The following PPP2R3A variants were observed in gnomAD, a reference collection of about 807,000 sequenced individuals.
PPP2R3A encodes protein phosphatase 2 regulatory subunit B''alpha, also known as serine/threonine-protein phosphatase 2A regulatory subunit B'' subunit alpha.
A neutral mutation model predicts 106.9 loss-of-function variants in PPP2R3A; 80 were observed. The ratio of observed to expected loss-of-function variants is 0.75; its 90% CI spans 0.62 to 0.90. The LOEUF (loss-of-function observed/expected upper bound fraction) is 0.90, where lower values mean the gene tolerates loss of function less well. PPP2R3A is among the 40% of genes least tolerant of loss of function. The pLI, the probability that PPP2R3A is intolerant of heterozygous loss-of-function variation, is 0.00. For synonymous variants in PPP2R3A, 483 were observed against 468.3 expected (o/e 1.03, Z -0.41); for missense variants, 1,386 against 1,350.4 (o/e 1.03, Z -0.41).
intron 10 of PPP2R3A, 41 bp downstream of exon 10, chr3:136,090,708 T>G: frequency 1.3e-6 from 2 of 1,520,628 alleles, no homozygotes; most frequent in South Asian, 1.1e-5. Context: ...GTTAAACACA[T>G]GCACAAAGCT....
At chr3:136,071,037 TC>T (rs1184389082) in intron 6 of PPP2R3A, among the ~76,000 whole-genome samples, 2 of 152,258 alleles carry the variant, frequency 1.3e-5, no homozygotes, top group Non-Finnish European at 2.9e-5. Flanking sequence ...ACTCCCTGTT[TC>T]TCAGGCACAG....
At chr3:136,044,336 C>T (rs1179668970) in intron 4 of PPP2R3A, among the ~76,000 whole-genome samples, 1 of 151,946 alleles carries the variant, frequency 6.6e-6, no homozygotes, top group Non-Finnish European at 1.5e-5. Flanking sequence ...TAACTATATG[C>T]CAGGTATTGT....
chr3:136,042,452 A>G (rs980018805), intron 4 of PPP2R3A, among the ~76,000 whole-genome samples: 2 of 152,226 alleles, frequency 1.3e-5, no homozygotes, highest in East Asian at 1.9e-4. Flanking sequence ...GTGTTTATCT[A>G]TGTAACAGAC....
intron 1 of PPP2R3A, among the ~76,000 whole-genome samples, chr3:135,990,611 C>G (rs1006533956): frequency 6.6e-6 from 1 of 152,016 alleles, no homozygotes; most frequent in African/African-American, 2.4e-5. Context: ...TTATCTTTAA[C>G]CAGAATTTGT....
chr3:136,137,572 C>T (rs1389006795), intron 13 of PPP2R3A, among the ~76,000 whole-genome samples: 13 of 23,814 alleles, frequency 5.5e-4, no homozygotes, highest in Admixed American at 1.3e-3. Flanking sequence ...GATGGAGGCT[C>T]GCTCTGTCGC....
rs1933608906 is a variant in PPP2R3A, at chr3:136,001,167, G to A, written c.-332G>A. 1 of 410,820 alleles carries A rather than the reference G, an allele frequency of 2.4e-6. No homozygotes were observed. The highest frequency in any genetic ancestry group is 4.3e-6 in the Non-Finnish European group (1 of 234,002). The allele number at this position is 410,820 out of a possible 1,614,324, so 25.4% of individuals were successfully genotyped here. A position where few individuals can be genotyped will look rare whatever the true frequency, so the allele number is the denominator to read the frequency against. ...GATTTATGATAGTAAATTTATGAGA[G>A]CAAATTTCCATGTTATAGAACTGTT... is the stretch of plus-strand genomic sequence containing the variant. On this transcript the variant is annotated 5_prime_UTR_variant, in exon 2 of 14. Transcript: ENST00000264977.
intron 9 of PPP2R3A, among the ~76,000 whole-genome samples, chr3:136,088,924 T>G (rs1267409641): frequency 6.6e-6 from 1 of 152,026 alleles, no homozygotes. Context: ...TTTGCCCATT[T>G]TTAAATGGGG....
intron 10 of PPP2R3A, among the ~76,000 whole-genome samples, chr3:136,094,488 T>G (rs933314139): frequency 2.0e-5 from 3 of 152,128 alleles, no homozygotes; most frequent in African/African-American, 7.2e-5. Context: ...CTGGAAAATC[T>G]CCACACACTT....
chr3:136,104,494 C>T (rs914554580), intron 12 of PPP2R3A, among the ~76,000 whole-genome samples: 46 of 152,006 alleles, frequency 3.0e-4, no homozygotes, highest in Admixed American at 7.9e-4. Flanking sequence ...TTTGTACAGA[C>T]AAGGTTTCTC....
In PPP2R3A at chr3:136,145,965, A is replaced by G. The variant is rs1049860216; in HGVS notation, c.*799A>G. On this transcript the variant is annotated 3_prime_UTR_variant, in exon 14 of 14. Transcript: ENST00000264977. ...ATGTATTTAATATCCAAATTAGTTG[A>G]TAACTGTTTTCACTTCCTATCAGAA... The G allele has an allele frequency of 1.3e-5, 2 of 152,210 alleles. No homozygotes were observed. The highest frequency in any genetic ancestry group is 2.4e-5 in the African/African-American group (1 of 41,450). 9.4% of individuals were successfully genotyped at this position (152,210 alleles called of 1,614,324 possible).
intron 1 of PPP2R3A, among the ~76,000 whole-genome samples, chr3:135,978,482 ATT>A (rs368778585): frequency 1.4e-5 from 2 of 147,400 alleles, no homozygotes; most frequent in African/African-American, 5.0e-5. Context: ...GGACAACTGG[ATT>A]TTTTTTTTTT....
chr3:136,072,789 A>T (rs1418938963), intron 6 of PPP2R3A, among the ~76,000 whole-genome samples: 1 of 152,256 alleles, frequency 6.6e-6, no homozygotes, highest in African/African-American at 2.4e-5. Flanking sequence ...GTATTCTTAG[A>T]TATTAAAGAA....
chr3:136,065,109 A>G (rs553416301), intron 5 of PPP2R3A, among the ~76,000 whole-genome samples: 1 of 152,316 alleles, frequency 6.6e-6, no homozygotes, highest in African/African-American at 2.4e-5. Flanking sequence ...GATAAATACA[A>G]GTTTTGCAGC....
At chr3:136,115,470 C>G (rs945617723) in intron 13 of PPP2R3A, among the ~76,000 whole-genome samples, 1 of 151,924 alleles carries the variant, frequency 6.6e-6, no homozygotes, top group Non-Finnish European at 1.5e-5. Flanking sequence ...GGAACTTGTT[C>G]TAACCCAATG....
intron 1 of PPP2R3A, among the ~76,000 whole-genome samples, chr3:135,998,658 G>A (rs934513253): frequency 6.6e-6 from 1 of 152,044 alleles, no homozygotes. Context: ...TAACTGGAGA[G>A]CTATGTAAAA....
chr3:136,055,689 G>GT (rs1935837393), intron 5 of PPP2R3A: 2 of 940,294 alleles, frequency 2.1e-6, no homozygotes, highest in Non-Finnish European at 3.3e-6. Flanking sequence ...ACTGTGGTTT[G>GT]CACCCTAAGA....
At chr3:136,067,956 G>C (rs897255120) in intron 5 of PPP2R3A, among the ~76,000 whole-genome samples, 3 of 152,210 alleles carry the variant, frequency 2.0e-5, no homozygotes, top group African/African-American at 7.2e-5. Context: ...CAGGTGGCCA[G>C]GCTCATGCCT....
chr3:136,001,550 G>A lies in PPP2R3A; in HGVS notation c.52G>A (p.Val18Met), dbSNP rs368215541. 1.5e-5 allele frequency: 25 copies of A among 1,614,192 alleles called. No individual in the cohort carries two copies. Among genetic ancestry groups the A allele is most frequent in the African/African-American group, 1.2e-4 (9 of 75,062 alleles). The change falls in exon 2 of 14, where the codon GTG becomes ATG. Residue 18 changes from valine to methionine, a missense_variant. Coordinates refer to ENST00000264977, the MANE Select transcript of PPP2R3A (RefSeq NM_002718.5). ...VVSTVNHYSS[V>M]VIDRRFEQAI... ...TAGTACTGTGAACCACTACAGCAGC[G>A]TGGTGATAGACCGGCGTTTTGAACA...
Position 136,001,231 on chromosome 3 carries a change from C to A in PPP2R3A, c.-268C>A. 2.2e-6 allele frequency: 1 copy of A among 454,746 alleles called. No individual in the cohort carries two copies. Among genetic ancestry groups the A allele is most frequent in the South Asian group, 6.3e-5 (1 of 15,842 alleles). 28.2% of individuals were successfully genotyped at this position (454,746 alleles called of 1,614,324 possible). A position where few individuals can be genotyped will look rare whatever the true frequency, so the allele number is the denominator to read the frequency against. On this transcript the variant is annotated 5_prime_UTR_variant, in exon 2 of 14. In the 5' UTR this introduces an upstream ATG that the reference lacks. Coordinates refer to ENST00000264977, the MANE Select transcript of PPP2R3A (RefSeq NM_002718.5). ...AGGATATTCTTTCATCAAAATAATT[C>A]TGCAGTATCATAATATTACTAAATA... is the stretch of plus-strand genomic sequence containing the variant.
Sources: gnomAD v4.1 joint callset for allele counts (sites outside exome capture counted in the v4.1 genomes callset) on GRCh38, gnomAD v4.1.1 for gene constraint, MANE v1.5 for transcripts, NCBI Gene and HGNC (gene_info 2026-07-23, HGNC 2026-07-21) for gene names.